SMG6: variants seen among roughly 807,000 people sequenced by gnomAD.
SMG6 encodes telomerase-binding protein EST1A.
Under a neutral mutation model 142.2 loss-of-function variants are expected in SMG6, and 66 were observed. The observed-to-expected ratio is 0.46, with a 90% confidence interval of 0.38 to 0.57. The LOEUF (loss-of-function observed/expected upper bound fraction) is 0.57, where lower values mean the gene tolerates loss of function less well. Among genes scored for constraint, SMG6 ranks in the 20% least tolerant of loss-of-function variants. SMG6 has a pLI of 0.00. For synonymous variants in SMG6, 779 were observed against 702.4 expected (o/e 1.11, Z -1.72); for missense variants, 1,793 against 1,832.0 (o/e 0.98, Z 0.39).
chr17:2,070,831 T>C (rs1312783492), intron 15 of SMG6, among the ~76,000 whole-genome samples: 1 of 152,148 alleles, frequency 6.6e-6, no homozygotes, highest in Non-Finnish European at 1.5e-5. Context: ...ACTGACCCTC[T>C]ACATAGGGCT....
chr17:2,116,373 C>T (rs2069507198), intron 13 of SMG6, among the ~76,000 whole-genome samples: 1 of 152,098 alleles, frequency 6.6e-6, no homozygotes. Flanking sequence ...GCCACTGTAC[C>T]TGACCAAGAA....
chr17:2,259,665 CCT>C (rs1160742462), intron 8 of SMG6, among the ~76,000 whole-genome samples: 1 of 138,468 alleles, frequency 7.2e-6, no homozygotes, highest in African/African-American at 2.6e-5. Flanking sequence ...AAAACGAGAC[CCT>C]GTCTCCAAAA....
chr17:2,227,051 T>A (rs1246899684), intron 10 of SMG6, among the ~76,000 whole-genome samples: 1 of 152,082 alleles, frequency 6.6e-6, no homozygotes. Context: ...TTTACTAGAA[T>A]AGCTAAAATA....
In SMG6 at chr17:2,230,211, A is replaced by G. The variant is rs1275204223; in HGVS notation, c.2869+6281T>C. ...CAAAAAAAAAAAAAAAAAAAAAAAA[A>G]AAAAAAAAAAGGAAAAGAAAGGAAA... On this transcript the variant is annotated intron_variant, in intron 10 of 18. Coordinates refer to ENST00000263073, the MANE Select transcript of SMG6 (RefSeq NM_017575.5). Among the ~76,000 whole-genome samples, 163 of 114,100 alleles carry G rather than the reference A, an allele frequency of 1.4e-3. 1 individual carries two copies. The highest frequency in any genetic ancestry group is 2.6e-3 in the South Asian group (10 of 3,796). 74.9% of individuals were successfully genotyped at this position (114,100 alleles called of 152,430 possible). A position where few individuals can be genotyped will look rare whatever the true frequency, so the allele number is the denominator to read the frequency against.
chr17:2,197,690 C>T (rs1418110159), intron 10 of SMG6, among the ~76,000 whole-genome samples: 1 of 151,936 alleles, frequency 6.6e-6, no homozygotes, highest in African/African-American at 2.4e-5. Flanking sequence ...GATATTTCAT[C>T]AAAGAGGATA....
At chr17:2,283,170 C>G (rs1050794889) in intron 7 of SMG6, among the ~76,000 whole-genome samples, 23 of 152,114 alleles carry the variant, frequency 1.5e-4, no homozygotes, top group Admixed American at 1.0e-3. Flanking sequence ...AACTCTGTCT[C>G]AAAAACAAAA....
intron 8 of SMG6, among the ~76,000 whole-genome samples, chr17:2,273,711 C>T (rs1000480030): frequency 1.3e-5 from 2 of 152,002 alleles, no homozygotes; most frequent in Admixed American, 6.6e-5. Flanking sequence ...GCACAAGAAT[C>T]GCTTGAGCCT....
At chr17:2,258,025 A>T (rs1567724332) in intron 8 of SMG6, among the ~76,000 whole-genome samples, 2 of 94,648 alleles carry the variant, frequency 2.1e-5, no homozygotes, top group Non-Finnish European at 2.2e-5. Context: ...AAAAAAAAAA[A>T]AAAAAAAAAA....
intron 18 of SMG6, among the ~76,000 whole-genome samples, chr17:2,063,504 G>A (rs1156264870): frequency 1.3e-5 from 2 of 152,226 alleles, no homozygotes; most frequent in Non-Finnish European, 2.9e-5. Flanking sequence ...GGTGAAGTCG[G>A]GGGTGGGAGG....
At chr17:2,091,853 TG>T (rs1555533596) in intron 13 of SMG6, among the ~76,000 whole-genome samples, 13 of 149,966 alleles carry the variant, frequency 8.7e-5, no homozygotes, top group South Asian at 2.1e-4. Flanking sequence ...TGTGTGTGTG[TG>T]TTTTTTTTTA....
intron 8 of SMG6, among the ~76,000 whole-genome samples, chr17:2,270,352 G>C (rs2074519296): frequency 6.6e-6 from 1 of 152,206 alleles, no homozygotes; most frequent in Non-Finnish European, 1.5e-5. Flanking sequence ...GTTTATGCTT[G>C]TAATCCTAGC....
intron 13 of SMG6, among the ~76,000 whole-genome samples, chr17:2,097,448 T>C (rs573354336): frequency 6.1e-4 from 93 of 152,306 alleles, no homozygotes; most frequent in African/African-American, 2.1e-3. Flanking sequence ...TCATTTTTAT[T>C]GTCTACACTA....
chr17:2,166,757 C>T (rs1314482424), intron 13 of SMG6, among the ~76,000 whole-genome samples: 1 of 152,198 alleles, frequency 6.6e-6, no homozygotes, highest in Non-Finnish European at 1.5e-5. Flanking sequence ...CTGCTCCTGA[C>T]CTTCAACTGA....
Position 2,081,435 on chromosome 17 carries a change from C to T in SMG6, c.3681+375G>A, listed in dbSNP as rs141951808. On this transcript the variant is annotated intron_variant, in intron 15 of 18. Transcript: ENST00000263073. ...ATGCCATCCTCTCCCTGGGAACAGG[C>T]GTTCTGAAGTAAGAATCCACAGCCT... Among the ~76,000 whole-genome samples, 94 of 152,240 alleles carry T rather than the reference C, an allele frequency of 6.2e-4. 1 individual carries two copies. Among genetic ancestry groups the T allele is most frequent in the African/African-American group, 2.1e-3 (87 of 41,524 alleles).
intron 13 of SMG6, among the ~76,000 whole-genome samples, chr17:2,097,693 C>A (rs1410880685): frequency 6.6e-6 from 1 of 152,142 alleles, no homozygotes; most frequent in Non-Finnish European, 1.5e-5. Flanking sequence ...ATCTGACTGG[C>A]CTCAAATTAT....
chr17:2,070,495 A>G (rs918364736), intron 15 of SMG6, among the ~76,000 whole-genome samples: 1 of 152,198 alleles, frequency 6.6e-6, no homozygotes, highest in African/African-American at 2.4e-5. Context: ...GTGCGTGCCA[A>G]CCGAGATGGG....
At chr17:2,109,399 G>A (rs2069246244) in intron 13 of SMG6, among the ~76,000 whole-genome samples, 1 of 152,136 alleles carries the variant, frequency 6.6e-6, no homozygotes, top group African/African-American at 2.4e-5. Context: ...AAGTAGCTGT[G>A]ATTATAGGCG....
chr17:2,245,401 T>C (rs2073906935), intron 8 of SMG6, among the ~76,000 whole-genome samples: 1 of 152,204 alleles, frequency 6.6e-6, no homozygotes, highest in South Asian at 2.1e-4. Flanking sequence ...GTTTTTGTTT[T>C]TTGAGACAGA....
At chr17:2,255,427 AAAG>A (rs1215090874) in intron 8 of SMG6, among the ~76,000 whole-genome samples, 7 of 144,292 alleles carry the variant, frequency 4.9e-5, no homozygotes, top group South Asian at 2.2e-4. Context: ...AAAAAAAAAA[AAAG>A]AATGTGATCT....
Sources: allele counts gnomAD v4.1 joint callset (sites outside exome capture counted in the v4.1 genomes callset), GRCh38; gene constraint gnomAD v4.1.1; transcripts MANE v1.5; gene names NCBI Gene and HGNC (gene_info 2026-07-23, HGNC 2026-07-21).